NSRP1: variants seen among roughly 807,000 people sequenced by gnomAD.
The protein encoded by NSRP1 is coiled-coil domain containing 55.
Under a neutral mutation model 54.7 loss-of-function variants are expected in NSRP1, and 24 were observed. The ratio of observed to expected loss-of-function variants is 0.44; its 90% confidence interval spans 0.32 to 0.62. The LOEUF is 0.62. Ranked by LOEUF, NSRP1 falls within the 20% of genes least tolerant of loss-of-function variation. The pLI is 0.06. For missense variants in NSRP1, 596 were observed against 651.2 expected, an observed-to-expected ratio of 0.92 and a Z score of 0.92; for synonymous variants, 210 against 213.8, an observed-to-expected ratio of 0.98 and a Z score of 0.15.
At chr17:30,149,396 A>G (rs550055703) in intron 2 of NSRP1, among the ~76,000 whole-genome samples, 12 of 152,186 alleles carry the variant, frequency 7.9e-5, no homozygotes, top group Non-Finnish European at 1.3e-4. Context: ...AAAGAACATA[A>G]GATTATCTGA....
intron 2 of NSRP1, among the ~76,000 whole-genome samples, chr17:30,129,742 TTA>T (rs2071683217): frequency 6.6e-6 from 1 of 152,206 alleles, no homozygotes; most frequent in Non-Finnish European, 1.5e-5. Context: ...AGATAATGCC[TTA>T]CTTCTGTAGA....
At chr17:30,130,597 C>T (rs2071690945) in intron 2 of NSRP1, among the ~76,000 whole-genome samples, 1 of 152,140 alleles carries the variant, frequency 6.6e-6, no homozygotes, top group Non-Finnish European at 1.5e-5. Context: ...CAAAATCTTA[C>T]AGACATTAGT....
At chr17:30,158,225 A>G (rs573441963) in intron 2 of NSRP1, among the ~76,000 whole-genome samples, 1 of 151,630 alleles carries the variant, frequency 6.6e-6, no homozygotes, top group South Asian at 2.1e-4. Flanking sequence ...ATTAGTGATT[A>G]GCATTTTTTC....
chr17:30,123,693 C>T (rs2071624575), intron 2 of NSRP1, among the ~76,000 whole-genome samples: 1 of 151,610 alleles, frequency 6.6e-6, no homozygotes, highest in Non-Finnish European at 1.5e-5. Context: ...TTGTTTTAGT[C>T]CTTGAGTTTA....
In NSRP1 at chr17:30,138,911, T is replaced by C. The variant is rs977908790; in HGVS notation, c.114+20738T>C. ...GAAGTGGTATCTCAAGTCTTAGCGT[T>C]TTTTTTTTTTTTTTTTTTTTTTTTG... On this transcript the variant is annotated intron_variant, in intron 2 of 6. Transcript: ENST00000247026. 2.8e-4 allele frequency among the ~76,000 whole-genome samples: 33 copies of C among 116,056 alleles called. 1 individual carries two copies. The East Asian group carries it at 7.9e-3, about 28-fold the overall frequency. 76.1% of individuals were successfully genotyped at this position (116,056 alleles called of 152,430 possible).
intron 2 of NSRP1, chr17:30,143,913 C>A (rs1244417298): frequency 6.6e-6 from 1 of 152,072 alleles, no homozygotes; most frequent in Non-Finnish European, 1.5e-5. Flanking sequence ...ACATGGCATG[C>A]CTGTATCAAA....
chr17:30,185,604 G>A lies in NSRP1; in HGVS notation c.1607G>A (p.Arg536Lys). ...RNNEETVMSARDRYLARQMAR... is the reference protein window; with the variant it reads ...RNNEETVMSAKDRYLARQMAR... ...AATGAAGAAACTGTAATGTCAGCTA[G>A]AGACAGGTACTTGGCCAGGCAGATG... Residue 536 changes from arginine to lysine, a missense_variant, in exon 7 of 7, where the codon AGA becomes AAA. Physicochemically the swap from Arg to Lys is conservative, Grantham distance 26. Transcript: ENST00000247026. 6.2e-7 allele frequency: 1 copy of A among 1,613,998 alleles called. No individual in the cohort carries two copies.
chr17:30,157,348 T>A (rs554453535), intron 2 of NSRP1, among the ~76,000 whole-genome samples: 14 of 152,326 alleles, frequency 9.2e-5, no homozygotes, highest in African/African-American at 3.4e-4. Context: ...TACATATTTA[T>A]GGTGTACATG....
chr17:30,125,681 G>A (rs2071643602), intron 2 of NSRP1: 1 of 152,236 alleles, frequency 6.6e-6, no homozygotes, highest in Admixed American at 6.5e-5. Context: ...CCAAGTAGCT[G>A]GGATCACAGG....
chr17:30,139,380 G>C (rs1313181317), intron 2 of NSRP1, among the ~76,000 whole-genome samples: 3 of 152,020 alleles, frequency 2.0e-5, no homozygotes, highest in African/African-American at 4.8e-5. Flanking sequence ...TTTTAATTAT[G>C]CTGATCCAGT....
At chr17:30,183,815 TGA>T (rs939813301) in intron 6 of NSRP1, among the ~76,000 whole-genome samples, 2 of 152,216 alleles carry the variant, frequency 1.3e-5, no homozygotes, top group African/African-American at 4.8e-5. Context: ...GATACACTCA[TGA>T]GAGAGAGTAA....
At chr17:30,155,417 A>G (rs1343648743) in intron 2 of NSRP1, among the ~76,000 whole-genome samples, 1 of 152,148 alleles carries the variant, frequency 6.6e-6, no homozygotes, top group Admixed American at 6.6e-5. Context: ...CCTGTTCAAT[A>G]TGATATTTTT....
intron 2 of NSRP1, among the ~76,000 whole-genome samples, chr17:30,125,438 G>A (rs1464560719): frequency 6.6e-6 from 1 of 152,086 alleles, no homozygotes. Context: ...TTTCTCTAGT[G>A]GTCCAGCAGA....
intron 2 of NSRP1, among the ~76,000 whole-genome samples, chr17:30,138,616 A>C (rs1374778722): frequency 6.6e-6 from 1 of 152,168 alleles, no homozygotes; most frequent in Admixed American, 6.5e-5. Flanking sequence ...AATATTTTCA[A>C]ACCATGGTTG....
At chr17:30,139,019 A>G (rs929101510) in intron 2 of NSRP1, among the ~76,000 whole-genome samples, 1 of 139,040 alleles carries the variant, frequency 7.2e-6, no homozygotes, top group Non-Finnish European at 1.5e-5. Flanking sequence ...CCGGGTTCAC[A>G]CCATTCTCCT....
At chr17:30,184,581 T>A in intron 6 of NSRP1, 34 bp from the exon 7 acceptor site, 1 of 1,521,090 alleles carries the variant, frequency 6.6e-7, no homozygotes, top group Non-Finnish European at 8.8e-7. Flanking sequence ...AATGTGGCAT[T>A]TTTTTCTGCC....
chr17:30,133,916 G>T (rs1208739012), intron 2 of NSRP1, among the ~76,000 whole-genome samples: 3 of 152,112 alleles, frequency 2.0e-5, no homozygotes, highest in Non-Finnish European at 2.9e-5. Flanking sequence ...CTTTTCCTTT[G>T]CATTCAGAAC....
chr17:30,160,219 C>G (rs1324098254), intron 2 of NSRP1, among the ~76,000 whole-genome samples: 4 of 152,068 alleles, frequency 2.6e-5, no homozygotes, highest in Non-Finnish European at 5.9e-5. Context: ...TTGTTGAAGA[C>G]TTTTGCATCT....
At chr17:30,143,331 G>A (rs945916031) in intron 2 of NSRP1, among the ~76,000 whole-genome samples, 2 of 152,134 alleles carry the variant, frequency 1.3e-5, no homozygotes, top group Admixed American at 6.5e-5. Context: ...ATAAGAAGCA[G>A]CATTTGGAAG....
Sources: allele counts gnomAD v4.1 joint callset (sites outside exome capture counted in the v4.1 genomes callset), GRCh38; gene constraint gnomAD v4.1.1; transcripts MANE v1.5; gene names NCBI Gene and HGNC (gene_info 2026-07-23, HGNC 2026-07-21).